The following LSM14A variants were observed in gnomAD, a reference collection of about 807,000 sequenced individuals.
LSM14A encodes protein LSM14 homolog A.
Under a neutral mutation model 52.4 loss-of-function variants are expected in LSM14A, and 14 were observed. The ratio of observed to expected loss-of-function variants is 0.27; its 90% CI spans 0.18 to 0.42. LSM14A has a LOEUF of 0.42. Ranked by LOEUF, LSM14A falls within the 10% of genes least tolerant of loss-of-function variation. The pLI, the probability that LSM14A is intolerant of heterozygous loss-of-function variation, is 1.00. For synonymous variants in LSM14A, 185 were observed against 200.3 expected (o/e 0.92, Z 0.64); for missense variants, 417 against 581.8 (o/e 0.72, Z 2.91).
chr19:34,180,078 C>T (rs767484232), intron 1 of LSM14A, among the ~76,000 whole-genome samples: 3 of 152,142 alleles, frequency 2.0e-5, no homozygotes, highest in Non-Finnish European at 4.4e-5. Context: ...CACCACCACA[C>T]CCAGCTAATT....
chr19:34,221,713 G>A lies in LSM14A; in HGVS notation c.1343G>A (p.Arg448Gln), dbSNP rs2274896. 5,423 of 1,613,188 alleles carry A rather than the reference G, an allele frequency of 3.4e-3. 97 individuals are homozygous for A. The East Asian group carries it at 0.043, about 13-fold the overall frequency. ...GGATTCAGAGGAGGTCGTGGGGGCC[G>A]GGAGTTTGCGGATTTTGAATATAGG... ...RGGFRGGRGG[R>Q]EFADFEYRKD... Residue 448 changes from arginine (R) to glutamine (Q), a missense_variant, in exon 9 of 10, where the codon CGG becomes CAG. Arg to Gln is a conservative substitution (Grantham distance 43). This residue lies in a region of LSM14A where 357 missense variants were observed against 457.0 expected (regional missense o/e 0.78). Coordinates refer to ENST00000544216, the MANE Select transcript of LSM14A (RefSeq NM_015578.4).
In LSM14A at chr19:34,229,203, T is replaced by G. The variant is rs2073479684; in HGVS notation, c.*1815T>G. 1 of 152,230 alleles carries G rather than the reference T, an allele frequency of 6.6e-6. No individual in the cohort carries two copies. The highest frequency in any genetic ancestry group is 2.4e-5 in the African/African-American group (1 of 41,458). The allele number at this position is 152,230 out of a possible 1,614,324, so 9.4% of individuals were successfully genotyped here. On this transcript the variant is annotated 3_prime_UTR_variant, in exon 10 of 10. Transcript: ENST00000544216. ...GGGCGTTTTGTGCCCCAGCAATAACTGGCAGCATGGCATACCTGCAGTACC... is the reference window on the plus strand; with the variant it reads ...GGGCGTTTTGTGCCCCAGCAATAACGGGCAGCATGGCATACCTGCAGTACC...
chr19:34,174,209 A>G (rs1333183925), intron 1 of LSM14A, among the ~76,000 whole-genome samples: 1 of 152,316 alleles, frequency 6.6e-6, no homozygotes, highest in African/African-American at 2.4e-5. Context: ...TCGGCCACCC[A>G]AAGTGCTGGG....
chr19:34,197,736 C>T (rs3119816), intron 3 of LSM14A, among the ~76,000 whole-genome samples: 53,073 of 151,918 alleles, frequency 0.35, 9,724 homozygotes, highest in African/African-American at 0.4. Flanking sequence ...CCACCAAGCC[C>T]GGCCTAAAAC....
intron 3 of LSM14A, among the ~76,000 whole-genome samples, chr19:34,200,285 G>A (rs570417435): frequency 2.0e-5 from 3 of 152,174 alleles, no homozygotes; most frequent in East Asian, 1.9e-4. Context: ...ATATAGAATC[G>A]AATACTGGGC....
intron 8 of LSM14A, among the ~76,000 whole-genome samples, chr19:34,221,051 T>C (rs2073024130): frequency 6.6e-6 from 1 of 151,626 alleles, no homozygotes; most frequent in African/African-American, 2.4e-5. Flanking sequence ...TCATATGCCA[T>C]GAACAACTCG....
intron 8 of LSM14A, 25 bp downstream of exon 8, chr19:34,219,902 A>G: frequency 6.6e-7 from 1 of 1,520,176 alleles, no homozygotes; most frequent in Non-Finnish European, 9.1e-7. Context: ...CTGTTCTTTT[A>G]TCTTATGATA....
chr19:34,210,469 G>A (rs1168407868), intron 4 of LSM14A, among the ~76,000 whole-genome samples: 2 of 151,922 alleles, frequency 1.3e-5, no homozygotes, highest in African/African-American at 2.4e-5. Flanking sequence ...ATGTGGTTTC[G>A]TGATGTTGGC....
intron 4 of LSM14A, 87 bp downstream of exon 4, chr19:34,209,138 T>A: frequency 8.6e-7 from 1 of 1,156,606 alleles, no homozygotes; most frequent in Non-Finnish European, 1.2e-6. Context: ...TTGCAGCTTG[T>A]AAATCGCGTG....
At chr19:34,215,492 C>G in intron 5 of LSM14A, 104 bp from the exon 6 acceptor site, 1 of 1,172,948 alleles carries the variant, frequency 8.5e-7, no homozygotes, top group South Asian at 1.3e-5. Context: ...ATTGCACAGG[C>G]TTTGTTTTGG....
intron 4 of LSM14A, among the ~76,000 whole-genome samples, chr19:34,214,899 A>C (rs1269635154): frequency 6.6e-6 from 1 of 151,488 alleles, no homozygotes; most frequent in Non-Finnish European, 1.5e-5. Flanking sequence ...GTTGTTTTGA[A>C]GCTGTTGAAG....
At chr19:34,226,777 T>C (rs952016688) in intron 9 of LSM14A, among the ~76,000 whole-genome samples, 2 of 152,168 alleles carry the variant, frequency 1.3e-5, no homozygotes, top group Middle Eastern at 3.2e-3. Context: ...TCTCTGGAAA[T>C]CTTGAGATTT....
In LSM14A at chr19:34,227,548, T is replaced by G; in HGVS notation, c.*160T>G. ...TTGTTTTTCCGCTTAATTTCAAAGATAAAATGCAGTTACTTTTGGGGGTGG... is the reference window on the plus strand; with the variant it reads ...TTGTTTTTCCGCTTAATTTCAAAGAGAAAATGCAGTTACTTTTGGGGGTGG... On this transcript the variant is annotated 3_prime_UTR_variant, in exon 10 of 10. Transcript: ENST00000544216. 1.8e-6 allele frequency: 1 copy of G among 561,208 alleles called. No individual in the cohort carries two copies. Among genetic ancestry groups the G allele is most frequent in the Non-Finnish European group, 3.1e-6 (1 of 319,568 alleles). 34.8% of individuals were successfully genotyped at this position (561,208 alleles called of 1,614,324 possible). A position where few individuals can be genotyped will look rare whatever the true frequency, so the allele number is the denominator to read the frequency against.
intron 2 of LSM14A, among the ~76,000 whole-genome samples, chr19:34,195,822 G>T (rs1297396652): frequency 6.6e-6 from 1 of 152,190 alleles, no homozygotes; most frequent in Non-Finnish European, 1.5e-5. Flanking sequence ...CGGTTTTATG[G>T]AAGGAGAAAA....
At chr19:34,199,263 T>C (rs972421587) in intron 3 of LSM14A, among the ~76,000 whole-genome samples, 2 of 151,982 alleles carry the variant, frequency 1.3e-5, no homozygotes, top group African/African-American at 4.8e-5. Flanking sequence ...TAGCTGGGAT[T>C]ATAGGCATGC....
At chr19:34,207,603 C>T (rs577605423) in intron 3 of LSM14A, among the ~76,000 whole-genome samples, 1 of 151,002 alleles carries the variant, frequency 6.6e-6, no homozygotes, top group East Asian at 2.0e-4. Context: ...CCAATATTGG[C>T]TCATTGCAAC....
rs79792457 is a variant in LSM14A at position 34,190,351 on chromosome 19, T to C, written c.122-4127T>C. 2.2e-4 allele frequency among the ~76,000 whole-genome samples: 33 copies of C among 152,290 alleles called. No individual in the cohort carries two copies. The East Asian group carries it at 5.4e-3, about 25-fold the overall frequency. The stretch of plus-strand genomic sequence containing the variant: ...TGTGCAAATCATTCTTATTCTGTGA[T>C]TTCTATTTTCATGCTTTTTCAGTTT... On this transcript the variant is annotated intron_variant, in intron 1 of 9. Transcript: ENST00000544216.
At chr19:34,180,259 T>C (rs1016352003) in intron 1 of LSM14A, among the ~76,000 whole-genome samples, 1 of 152,218 alleles carries the variant, frequency 6.6e-6, no homozygotes, top group Non-Finnish European at 1.5e-5. Context: ...AGTTGGTCTG[T>C]AAAATAATTT....
At chr19:34,188,712 G>T (rs1028928287) in intron 1 of LSM14A, among the ~76,000 whole-genome samples, 1 of 152,154 alleles carries the variant, frequency 6.6e-6, no homozygotes, top group East Asian at 1.9e-4. Flanking sequence ...ACTGTGTGAC[G>T]TTTTGTGTCT....
Sources: gnomAD v4.1 joint callset for allele counts (sites outside exome capture counted in the v4.1 genomes callset) on GRCh38, gnomAD v4.1.1 for gene constraint, gnomAD v4.1.1 regional missense constraint, MANE v1.5 for transcripts, NCBI Gene and HGNC (gene_info 2026-07-23, HGNC 2026-07-21) for gene names.